Variants in CAGE1 observed in about 807,000 individuals in gnomAD.
CAGE1 encodes cancer-associated gene 1 protein.
A neutral mutation model predicts 94.9 loss-of-function variants in CAGE1; 66 were observed. That is an observed-to-expected ratio of 0.70 (90% CI 0.57 to 0.85). The LOEUF (loss-of-function observed/expected upper bound fraction) is 0.85. Among genes scored for constraint, CAGE1 ranks in the 40% least tolerant of loss-of-function variants. The pLI is 0.00. For missense variants in CAGE1, 865 were observed against 950.4 expected (o/e 0.91, Z 1.18); for synonymous variants, 319 against 321.0 (o/e 0.99, Z 0.07).
Position 7,356,221 on chromosome 6 carries a change from C to G in CAGE1, c.2194-92G>C, listed in dbSNP as rs2113411122. Reference sequence around the variant, plus strand: ...GAACAAATGAGAAAACTGAGCAATACTTTATTCCAATATTCTTCTAAACCG... The same window carrying G: ...GAACAAATGAGAAAACTGAGCAATAGTTTATTCCAATATTCTTCTAAACCG... On this transcript the variant is annotated intron_variant, in intron 9 of 13. Transcript: ENST00000502583. The G allele has an allele frequency of 5.7e-6, 4 of 706,146 alleles. No homozygotes were observed. In the East Asian group the frequency reaches 1.1e-4, roughly 19 times the overall value. 43.7% of individuals were successfully genotyped at this position (706,146 alleles called of 1,614,324 possible).
chr6:7,353,567 G>T (rs1395886239), intron 11 of CAGE1, among the ~76,000 whole-genome samples: 1 of 152,012 alleles, frequency 6.6e-6, no homozygotes, highest in Non-Finnish European at 1.5e-5. Context: ...AGGAACATAA[G>T]TCATTATATG....
chr6:7,368,744 T>A lies in CAGE1; in HGVS notation c.1948A>T (p.Ile650Leu). The change falls in exon 7 of 14, where the codon ATA (isoleucine) becomes TTA (leucine). Residue 650 changes from isoleucine (I) to leucine (L), a missense_variant. By Grantham distance (5) the Ile-to-Leu change is conservative. Transcript: ENST00000502583. ...AGGCTCTTCAGTTTTTGCAGCATTA[T>A]ATCACTAACCTTCTCACTCTCTTTG... ...HFKESEKVSD[I>L]MLQKLKSLHL... 6.4e-7 allele frequency: 1 copy of A among 1,561,728 alleles called. No homozygotes were observed. The highest frequency in any genetic ancestry group is 8.7e-7 in the Non-Finnish European group (1 of 1,151,892).
At chr6:7,341,233 T>C (rs540234160) in intron 11 of CAGE1, 4 of 679,880 alleles carry the variant, frequency 5.9e-6, no homozygotes, top group South Asian at 5.7e-5. Context: ...AGAGATACTG[T>C]GGAGGTAGCC....
intron 9 of CAGE1, among the ~76,000 whole-genome samples, chr6:7,360,820 G>C (rs921352168): frequency 6.6e-6 from 1 of 152,026 alleles, no homozygotes; most frequent in African/African-American, 2.4e-5. Context: ...GGTAGTGCAC[G>C]CCTGTATTCT....
At chr6:7,376,870 C>A (rs1760764530) in intron 4 of CAGE1, among the ~76,000 whole-genome samples, 2 of 152,184 alleles carry the variant, frequency 1.3e-5, no homozygotes, top group South Asian at 4.1e-4. Context: ...ATGATCATTT[C>A]TTCAGGGATG....
rs1198366483 is a variant in CAGE1 at position 7,373,763 on chromosome 6, A to G, written c.1056T>C (p.Asp352=). 3.1e-6 allele frequency: 5 copies of G among 1,613,786 alleles called. No homozygotes were observed. The highest frequency in any genetic ancestry group is 1.3e-5 in the African/African-American group (1 of 75,064). The change falls in exon 5 of 14, where the codon GAT becomes GAC. Residue 352 remains aspartate (D), a synonymous_variant. Coordinates refer to ENST00000502583, the MANE Select transcript of CAGE1 (RefSeq NM_001170692.2). ...MKITKQQVFI[D]VINKLKENVE... is the part of the protein sequence containing the mutation. Reference sequence around the variant, plus strand: ...CATTCTCCTTTAGCTTATTGATGACATCAATGAACACTTGCTGTTTGGTAA... The same window carrying G: ...CATTCTCCTTTAGCTTATTGATGACGTCAATGAACACTTGCTGTTTGGTAA...
At chr6:7,358,024 T>TGAGAGA (rs1261184477) in intron 9 of CAGE1, among the ~76,000 whole-genome samples, 2 of 48,890 alleles carry the variant, frequency 4.1e-5, no homozygotes, top group African/African-American at 1.4e-4. Context: ...AGGTAAGTTT[T>TGAGAGA]GAGATATATA....
In CAGE1 at chr6:7,363,423, A is replaced by G. The variant is rs1402313045; in HGVS notation, c.2193+2045T>C. On this transcript the variant is annotated intron_variant, in intron 9 of 13. Transcript: ENST00000502583. ...TATTATCTCACAAATGTCTTTTTATAGTGGTTGGTTGAGTTTCATACACTG... is the reference window on the plus strand; with the variant it reads ...TATTATCTCACAAATGTCTTTTTATGGTGGTTGGTTGAGTTTCATACACTG... 2.0e-5 allele frequency among the ~76,000 whole-genome samples: 3 copies of G among 152,170 alleles called. No homozygotes were observed. In the East Asian group the frequency reaches 5.8e-4, roughly 29 times the overall value.
At chr6:7,352,775 A>T (rs1226653284) in intron 11 of CAGE1, among the ~76,000 whole-genome samples, 4 of 152,200 alleles carry the variant, frequency 2.6e-5, no homozygotes, top group African/African-American at 9.6e-5. Flanking sequence ...GACAAAGCAA[A>T]CAAAAACATA....
At chr6:7,366,299 T>C (rs1760332388) in intron 7 of CAGE1, among the ~76,000 whole-genome samples, 2 of 148,224 alleles carry the variant, frequency 1.3e-5, no homozygotes, top group South Asian at 4.2e-4. Context: ...TCAAAAAACA[T>C]ACAAAAAATA....
chr6:7,359,495 G>A (rs1760100194), intron 9 of CAGE1, among the ~76,000 whole-genome samples: 1 of 152,182 alleles, frequency 6.6e-6, no homozygotes, highest in Admixed American at 6.5e-5. Flanking sequence ...TGAAGATGTA[G>A]GCTCTAAGGG....
chr6:7,345,512 ACT>A (rs935647069), intron 11 of CAGE1, among the ~76,000 whole-genome samples: 68 of 152,254 alleles, frequency 4.5e-4, no homozygotes, highest in African/African-American at 1.6e-3. Context: ...CAGCAAGATC[ACT>A]CTGGCTGCAT....
chr6:7,340,730 G>A, intron 11 of CAGE1: 1 of 251,878 alleles, frequency 4.0e-6, no homozygotes, highest in South Asian at 5.6e-5. Flanking sequence ...CAGGCTTCTG[G>A]ACCAGGGGCT....
At chr6:7,344,623 AGCAGCTCCACCT>A (rs1163872394) in intron 11 of CAGE1, among the ~76,000 whole-genome samples, 1 of 152,206 alleles carries the variant, frequency 6.6e-6, no homozygotes, top group Non-Finnish European at 1.5e-5. Context: ...GAGACTGGAA[AGCAGCTCCACCT>A]GCAGCCCCGG....
At chr6:7,383,982 C>T (rs1351786795) in intron 3 of CAGE1, among the ~76,000 whole-genome samples, 2 of 152,078 alleles carry the variant, frequency 1.3e-5, no homozygotes, top group East Asian at 1.9e-4. Context: ...TTATATCTAG[C>T]TTTCTTCTAA....
In CAGE1 at chr6:7,365,370, A is replaced by C. The variant is rs1427692969; in HGVS notation, c.2193+98T>G. On this transcript the variant is annotated intron_variant, in intron 9 of 13. Coordinates refer to ENST00000502583, the MANE Select transcript of CAGE1 (RefSeq NM_001170692.2). ...ATGATGCCAGTGTGTGACCCTTTTT[A>C]TAAGCCAGTTTTTTGAAGGATGATA... 3.2e-6 allele frequency: 3 copies of C among 942,640 alleles called. No homozygotes were observed. In the African/African-American group the frequency reaches 5.0e-5, roughly 16 times the overall value. The allele number at this position is 942,640 out of a possible 1,614,324, so 58.4% of individuals were successfully genotyped here. A position where few individuals can be genotyped will look rare whatever the true frequency, so the allele number is the denominator to read the frequency against.
rs769400573 is a variant in CAGE1, at chr6:7,368,673, G to T, written c.2004+15C>A. 2.4e-5 allele frequency: 30 copies of T among 1,272,454 alleles called. No individual in the cohort carries two copies. The highest frequency in any genetic ancestry group is 3.0e-5 in the Non-Finnish European group (28 of 926,964). The allele number at this position is 1,272,454 out of a possible 1,614,324, so 78.8% of individuals were successfully genotyped here. Reference sequence around the variant, plus strand: ...AAAAATAATAAAATTTTTAGAAGAAGAATAAATATAATACCTCTTTATCTA... The same window carrying T: ...AAAAATAATAAAATTTTTAGAAGAATAATAAATATAATACCTCTTTATCTA... On this transcript the variant is annotated intron_variant, in intron 7 of 13. Coordinates refer to ENST00000502583, the MANE Select transcript of CAGE1 (RefSeq NM_001170692.2).
chr6:7,373,916 C>T lies in CAGE1; in HGVS notation c.903G>A (p.Glu301=), dbSNP rs1461907149. The T allele has an allele frequency of 1.9e-6, 3 of 1,613,972 alleles. No homozygotes were observed. The highest frequency in any genetic ancestry group is 2.5e-6 in the Non-Finnish European group (3 of 1,179,886). Residue 301 remains glutamate, a synonymous_variant, in exon 5 of 14, where the codon GAG becomes GAA. Coordinates refer to ENST00000502583, the MANE Select transcript of CAGE1 (RefSeq NM_001170692.2). ...QSAESLQPVQ[E]DMALNEVLQK... ...GCAAGACTTCATTTAAAGCCATGTC[C>T]TCTTGAACAGGTTGTAAGCTTTCAG...
intron 5 of CAGE1, among the ~76,000 whole-genome samples, chr6:7,370,288 A>G (rs1483354609): frequency 6.6e-6 from 1 of 152,164 alleles, no homozygotes; most frequent in Non-Finnish European, 1.5e-5. Context: ...AAGCATAAAT[A>G]ACAATTTATT....
Sources: allele counts gnomAD v4.1 joint callset (sites outside exome capture counted in the v4.1 genomes callset), GRCh38; gene constraint gnomAD v4.1.1; transcripts MANE v1.5; gene names NCBI Gene and HGNC (gene_info 2026-07-23, HGNC 2026-07-21).